Variants in ANKS1B observed in about 807,000 individuals in gnomAD.
ANKS1B encodes ankyrin repeat and sterile alpha motif domain-containing protein 1B.
Under a neutral mutation model 148.3 loss-of-function variants are expected in ANKS1B, and 36 were observed. The ratio of observed to expected loss-of-function variants is 0.24; its 90% CI spans 0.19 to 0.32. The LOEUF is 0.32. Among genes scored for constraint, ANKS1B ranks in the 10% least tolerant of loss-of-function variants. The pLI, the probability that ANKS1B is intolerant of heterozygous loss-of-function variation, is 1.00. For synonymous variants in ANKS1B, 542 were observed against 560.8 expected, an observed-to-expected ratio of 0.97 and a Z score of 0.47; for missense variants, 1,157 against 1,542.6, an observed-to-expected ratio of 0.75 and a Z score of 4.19.
intron 9 of ANKS1B, among the ~76,000 whole-genome samples, chr12:99,549,526 TTCTA>T (rs1419648997): frequency 6.6e-6 from 1 of 152,214 alleles, no homozygotes; most frequent in Non-Finnish European, 1.5e-5. Context: ...ACTCTTTTCT[TTCTA>T]TCTTTCATAA....
At chr12:98,747,009 A>G (rs1474808001) in intron 26 of ANKS1B, among the ~76,000 whole-genome samples, 2 of 151,656 alleles carry the variant, frequency 1.3e-5, no homozygotes, top group African/African-American at 4.9e-5. Flanking sequence ...TGGTCTGGAT[A>G]AAGATTTTTT....
intron 9 of ANKS1B, among the ~76,000 whole-genome samples, chr12:99,570,406 G>A (rs2097440928): frequency 6.6e-6 from 1 of 151,976 alleles, no homozygotes; most frequent in African/African-American, 2.4e-5. Context: ...CCAGCACTTT[G>A]GGAGGCCGAG....
At chr12:99,602,026 G>C (rs2097804085) in intron 9 of ANKS1B, among the ~76,000 whole-genome samples, 1 of 152,014 alleles carries the variant, frequency 6.6e-6, no homozygotes. Flanking sequence ...TCTGGCTTTA[G>C]GGGAGAGGGT....
intron 9 of ANKS1B, among the ~76,000 whole-genome samples, chr12:99,550,789 A>G (rs979412673): frequency 1.1e-4 from 16 of 152,184 alleles, no homozygotes; most frequent in Admixed American, 9.8e-4. Context: ...TAGGGGGCCT[A>G]ATTAAAATAC....
chr12:99,193,523 G>A (rs1188051654), intron 14 of ANKS1B, among the ~76,000 whole-genome samples: 1 of 151,908 alleles, frequency 6.6e-6, no homozygotes, highest in Non-Finnish European at 1.5e-5. Flanking sequence ...CTGGTTCTTT[G>A]GGTCTTCATT....
At chr12:99,803,047 T>C (rs933706697) in intron 4 of ANKS1B, among the ~76,000 whole-genome samples, 2 of 152,000 alleles carry the variant, frequency 1.3e-5, no homozygotes, top group Admixed American at 1.3e-4. Flanking sequence ...AAAAGTACAA[T>C]ACTATAATTT....
intron 15 of ANKS1B, among the ~76,000 whole-genome samples, chr12:99,119,319 C>T (rs1432926060): frequency 6.6e-6 from 1 of 152,068 alleles, no homozygotes; most frequent in Admixed American, 6.6e-5. Context: ...AACATATTAC[C>T]CTCTAGAGCT....
At chr12:99,073,729 G>A (rs1005303936) in intron 16 of ANKS1B, among the ~76,000 whole-genome samples, 2 of 152,138 alleles carry the variant, frequency 1.3e-5, no homozygotes, top group Admixed American at 6.5e-5. Flanking sequence ...AAGGAAGGCC[G>A]ATTTTATAAA....
At chr12:98,776,625 C>T (rs1348702252) in intron 24 of ANKS1B, among the ~76,000 whole-genome samples, 9 of 152,146 alleles carry the variant, frequency 5.9e-5, no homozygotes, top group Non-Finnish European at 2.9e-5. Context: ...GAGAAGGGCG[C>T]GTGGTGATGA....
chr12:99,754,879 GC>G (rs2153599610), intron 8 of ANKS1B, among the ~76,000 whole-genome samples: 1 of 152,192 alleles, frequency 6.6e-6, no homozygotes, highest in Non-Finnish European at 1.5e-5. Flanking sequence ...AGCACTAAAT[GC>G]CCACGTCAAA....
At chr12:99,816,447 T>C (rs1327635609) in intron 2 of ANKS1B, among the ~76,000 whole-genome samples, 1 of 151,876 alleles carries the variant, frequency 6.6e-6, no homozygotes, top group African/African-American at 2.4e-5. Flanking sequence ...ACTCTGCTGA[T>C]TATTTCTTTT....
intron 12 of ANKS1B, among the ~76,000 whole-genome samples, chr12:99,362,861 A>G (rs2092563986): frequency 6.6e-6 from 1 of 152,046 alleles, no homozygotes; most frequent in Non-Finnish European, 1.5e-5. Flanking sequence ...CATGGAAATA[A>G]TTAAGTTTTA....
chr12:99,339,279 T>C (rs557662314), intron 12 of ANKS1B, among the ~76,000 whole-genome samples: 1 of 152,304 alleles, frequency 6.6e-6, no homozygotes, highest in South Asian at 2.1e-4. Flanking sequence ...ACTTCTCCCC[T>C]GTGTTGCTTT....
At chr12:98,743,635 T>G (rs561037992), downstream of ANKS1B, among the ~76,000 whole-genome samples, 1 of 152,228 alleles carries the variant, frequency 6.6e-6, no homozygotes, top group East Asian at 1.9e-4. Context: ...CTGATGACCA[T>G]GTAGATAATG....
At chr12:99,435,213 G>A (rs1473142957) in intron 11 of ANKS1B, among the ~76,000 whole-genome samples, 1 of 151,946 alleles carries the variant, frequency 6.6e-6, no homozygotes, top group African/African-American at 2.4e-5. Context: ...CCTGTATTAG[G>A]TCAGCCTGAC....
intron 12 of ANKS1B, among the ~76,000 whole-genome samples, chr12:99,359,331 G>T (rs1204302558): frequency 1.3e-5 from 2 of 151,788 alleles, no homozygotes; most frequent in Non-Finnish European, 2.9e-5. Flanking sequence ...ATATTTAGTA[G>T]GATATTTTAT....
At chr12:98,822,162 G>A (rs2099200957) in intron 19 of ANKS1B, among the ~76,000 whole-genome samples, 2 of 152,066 alleles carry the variant, frequency 1.3e-5, no homozygotes, top group Non-Finnish European at 2.9e-5. Flanking sequence ...TTACTTACAT[G>A]CATCTGGAAA....
intron 25 of ANKS1B, among the ~76,000 whole-genome samples, chr12:98,769,650 T>C (rs1470544040): frequency 6.6e-6 from 1 of 152,156 alleles, no homozygotes; most frequent in Non-Finnish European, 1.5e-5. Context: ...GATATATATA[T>C]ATCACACACA....
chr12:99,805,263 C>CAAAAAAAAAAAAAAAAAAAAAAA (rs58248573), intron 4 of ANKS1B, among the ~76,000 whole-genome samples: 4 of 28,908 alleles, frequency 1.4e-4, no homozygotes, highest in Non-Finnish European at 1.7e-4. Context: ...GAGGAAAAGG[C>CAAAAAAAAAAAAAAAAAAAAAAA]AAAAAAAAAA....
Sources: allele counts gnomAD v4.1 joint callset (sites outside exome capture counted in the v4.1 genomes callset), GRCh38; gene constraint gnomAD v4.1.1; transcripts MANE v1.5; gene names NCBI Gene and HGNC (gene_info 2026-07-23, HGNC 2026-07-21).